Variants in RIMS1 observed in about 807,000 individuals in gnomAD.
RIMS1 encodes the protein regulating synaptic membrane exocytosis protein 1.
A neutral mutation model predicts 214.1 loss-of-function variants in RIMS1; 83 were observed. The ratio of observed to expected loss-of-function variants is 0.39; its 90% CI spans 0.32 to 0.47. The LOEUF (loss-of-function observed/expected upper bound fraction) is 0.47, where lower values mean the gene tolerates loss of function less well. RIMS1 is among the 20% of genes least tolerant of loss of function. RIMS1 has a pLI of 0.99. For missense variants in RIMS1, 2,050 were observed against 2,161.8 expected (o/e 0.95, Z 1.03); for synonymous variants, 793 against 786.8 (o/e 1.01, Z -0.13).
chr6:72,230,420 A>G (rs908085240), intron 6 of RIMS1, among the ~76,000 whole-genome samples: 2 of 151,720 alleles, frequency 1.3e-5, no homozygotes, highest in African/African-American at 4.8e-5. Context: ...TTGGTCAAGT[A>G]GAGCTGTCAT....
chr6:72,352,742 G>A (rs907817450), intron 29 of RIMS1, among the ~76,000 whole-genome samples: 6 of 151,992 alleles, frequency 3.9e-5, no homozygotes, highest in African/African-American at 1.5e-4. Context: ...ACTACTAAAA[G>A]CCTTGTTCTA....
Position 71,977,138 on chromosome 6 carries a change from T to C in RIMS1, c.245+8075T>C, listed in dbSNP as rs1797357052. Among the ~76,000 whole-genome samples the C allele has an allele frequency of 2.6e-5, 4 of 152,236 alleles. No homozygotes were observed. The South Asian group carries it at 8.3e-4, about 32-fold the overall frequency. ...TGTTACCACCTCAGACACATCCCCA[T>C]CATGAATATAATTTCTCTCAATGTC... On this transcript the variant is annotated intron_variant, in intron 2 of 33. Transcript: ENST00000521978.
intron 2 of RIMS1, among the ~76,000 whole-genome samples, chr6:72,021,621 A>G (rs1355215742): frequency 1.3e-5 from 2 of 152,218 alleles, no homozygotes; most frequent in African/African-American, 2.4e-5. Flanking sequence ...GTCTTGGAGT[A>G]GTAATAACAA....
intron 6 of RIMS1, among the ~76,000 whole-genome samples, chr6:72,203,180 G>T (rs1296017495): frequency 6.6e-6 from 1 of 151,926 alleles, no homozygotes; most frequent in Admixed American, 6.6e-5. Flanking sequence ...ATAGAGGCGG[G>T]GTTTCACCGT....
At chr6:72,390,897 T>A in intron 30 of RIMS1, 161 bp downstream of exon 30, 2 of 678,362 alleles carry the variant, frequency 2.9e-6, no homozygotes, top group Middle Eastern at 4.1e-4. Context: ...TAAGTACACA[T>A]GGACACACCT....
intron 29 of RIMS1, among the ~76,000 whole-genome samples, chr6:72,358,585 G>A (rs74727593): frequency 0.013 from 1,918 of 152,240 alleles, 23 homozygotes; most frequent in African/African-American, 0.03. Flanking sequence ...TGTTCTCTGA[G>A]ATATGAACAA....
chr6:72,251,292 A>T lies in RIMS1; in HGVS notation c.2622A>T (p.Ser874=). The change falls in exon 15 of 34, where the codon TCA becomes TCT. Residue 874 remains serine (S), a synonymous_variant. Coordinates refer to ENST00000521978, the MANE Select transcript of RIMS1 (RefSeq NM_014989.7). ...WYKLQTHDES[S]LPLPQPSPFM... Reference sequence around the variant, plus strand: ...AACTTCAGACACATGATGAGTCTTCACTACCTCTGCCTCAGCCATCACCTT... The same window carrying T: ...AACTTCAGACACATGATGAGTCTTCTCTACCTCTGCCTCAGCCATCACCTT... The T allele has an allele frequency of 6.3e-7, 1 of 1,599,628 alleles. No homozygotes were observed. Among genetic ancestry groups the T allele is most frequent in the Non-Finnish European group, 8.5e-7 (1 of 1,172,400 alleles).
intron 2 of RIMS1, among the ~76,000 whole-genome samples, chr6:72,016,982 A>G (rs1812970940): frequency 6.6e-6 from 1 of 152,184 alleles, no homozygotes; most frequent in Admixed American, 6.5e-5. Flanking sequence ...GTGCTAATAG[A>G]CATAACTAAA....
chr6:72,383,914 T>C (rs1308292918), intron 29 of RIMS1, among the ~76,000 whole-genome samples: 2 of 152,114 alleles, frequency 1.3e-5, no homozygotes, highest in African/African-American at 4.8e-5. Flanking sequence ...ACCAAAAAGG[T>C]TATACTTACT....
chr6:72,153,074 T>C (rs1388414702), intron 4 of RIMS1, among the ~76,000 whole-genome samples: 1 of 143,640 alleles, frequency 7.0e-6, no homozygotes, highest in African/African-American at 2.5e-5. Flanking sequence ...CCTATGTATA[T>C]ATATGGAATA....
At chr6:72,060,947 T>C (rs1374252622) in intron 2 of RIMS1, among the ~76,000 whole-genome samples, 3 of 152,186 alleles carry the variant, frequency 2.0e-5, no homozygotes, top group African/African-American at 7.2e-5. Flanking sequence ...AATTTTCTTC[T>C]TTTTTTCCAG....
At chr6:72,343,492 C>CTTTTTTTTTTTTT (rs764125827) in intron 29 of RIMS1, among the ~76,000 whole-genome samples, 36 of 57,294 alleles carry the variant, frequency 6.3e-4, no homozygotes, top group African/African-American at 6.8e-4. Context: ...TCTTCTTCTT[C>CTTTTTTTTTTTTT]TTTTTTTTTT....
intron 1 of RIMS1, among the ~76,000 whole-genome samples, chr6:71,905,895 G>A (rs1404468606): frequency 1.3e-5 from 2 of 152,096 alleles, no homozygotes; most frequent in Non-Finnish European, 2.9e-5. Flanking sequence ...AGAAATATCT[G>A]ATAACTACTC....
chr6:72,100,054 T>G (rs1040936692), intron 4 of RIMS1, 68 bp downstream of exon 4: 1 of 1,207,438 alleles, frequency 8.3e-7, no homozygotes, highest in South Asian at 1.3e-5. Flanking sequence ...AAGTGAATGT[T>G]GCACCTAGTA....
chr6:71,992,537 CTCT>C (rs766714749), intron 2 of RIMS1, among the ~76,000 whole-genome samples: 20 of 147,720 alleles, frequency 1.4e-4, no homozygotes, highest in Admixed American at 2.1e-4. Flanking sequence ...TCCCCTCCTC[CTCT>C]TCTTCTTCTC....
chr6:72,329,857 TTA>T (rs1206509636), intron 28 of RIMS1, among the ~76,000 whole-genome samples: 1 of 151,674 alleles, frequency 6.6e-6, no homozygotes, highest in East Asian at 1.9e-4. Context: ...GTTGAACACT[TTA>T]TGTTTGAGAG....
rs146356959 is a variant in RIMS1 at position 71,917,078 on chromosome 6, C to A, written c.164+29891C>A. Among the ~76,000 whole-genome samples the A allele has an allele frequency of 5.7e-3, 867 of 152,186 alleles. 4 individuals carry two copies. The highest frequency in any genetic ancestry group is 7.2e-3 in the Non-Finnish European group (493 of 68,008). On this transcript the variant is annotated intron_variant, in intron 1 of 33. Coordinates refer to ENST00000521978, the MANE Select transcript of RIMS1 (RefSeq NM_014989.7). ...CTGTGTGACCATGACAGATTTTTAA[C>A]CTCTCTGTGCTTGTTTCTCTATATG...
chr6:72,179,520 A>G (rs1325051247), intron 4 of RIMS1, 55 bp from the exon 5 acceptor site: 5 of 1,307,452 alleles, frequency 3.8e-6, no homozygotes, highest in African/African-American at 1.5e-5. Context: ...AAGATACTGA[A>G]AAATTATTTC....
intron 4 of RIMS1, among the ~76,000 whole-genome samples, chr6:72,137,315 G>C (rs556838699): frequency 2.3e-4 from 35 of 152,152 alleles, no homozygotes; most frequent in African/African-American, 7.7e-4. Context: ...CAATTCAGCA[G>C]TGTTTGAAGG....
Sources: gnomAD v4.1 joint callset for allele counts (sites outside exome capture counted in the v4.1 genomes callset) on GRCh38, gnomAD v4.1.1 for gene constraint, MANE v1.5 for transcripts, NCBI Gene and HGNC (gene_info 2026-07-23, HGNC 2026-07-21) for gene names.